Variants in GAP43 observed in about 807,000 individuals in gnomAD.
GAP43 encodes neuromodulin.
Under a neutral mutation model 18.6 loss-of-function variants are expected in GAP43, and 6 were observed. The ratio of observed to expected loss-of-function variants is 0.32; its 90% CI spans 0.18 to 0.64. The LOEUF is 0.64. Ranked by LOEUF, GAP43 falls within the 30% of genes least tolerant of loss-of-function variation. The pLI is 0.78. For synonymous variants in GAP43, 115 were observed against 111.4 expected, an observed-to-expected ratio of 1.03 and a Z score of -0.20; for missense variants, 292 against 295.5, an observed-to-expected ratio of 0.99 and a Z score of 0.09.
chr3:115,650,799 C>G (rs1576982384), intron 1 of GAP43, among the ~76,000 whole-genome samples: 1 of 152,192 alleles, frequency 6.6e-6, no homozygotes, highest in Middle Eastern at 3.4e-3. Flanking sequence ...CTTACTCCTT[C>G]TAAAAATTAA....
At chr3:115,689,816 C>A (rs1347319408) in intron 2 of GAP43, among the ~76,000 whole-genome samples, 1 of 151,852 alleles carries the variant, frequency 6.6e-6, no homozygotes, top group African/African-American at 2.4e-5. Context: ...AGAAGAGGAC[C>A]AGAAATCGAT....
intron 2 of GAP43, among the ~76,000 whole-genome samples, chr3:115,704,870 C>T (rs533536601): frequency 1.1e-4 from 17 of 152,218 alleles, no homozygotes; most frequent in Admixed American, 1.1e-3. Context: ...GAAATCAGAT[C>T]ATCTCTAAGG....
intron 2 of GAP43, among the ~76,000 whole-genome samples, chr3:115,707,129 G>A (rs920243972): frequency 2.6e-5 from 4 of 152,016 alleles, no homozygotes; most frequent in South Asian, 2.1e-4. Context: ...ACTTATAAGC[G>A]CTTACTTAAA....
chr3:115,683,147 G>GCGCGCGCGCGCACACACACACA (rs1252333447), intron 2 of GAP43, among the ~76,000 whole-genome samples: 1 of 127,396 alleles, frequency 7.8e-6, no homozygotes, highest in Non-Finnish European at 1.7e-5. Context: ...GCGCGCGCGC[G>GCGCGCGCGCGCACACACACACA]CACACACACA....
chr3:115,712,518 C>G (rs1425791035), intron 2 of GAP43, among the ~76,000 whole-genome samples: 1 of 152,152 alleles, frequency 6.6e-6, no homozygotes, highest in African/African-American at 2.4e-5. Context: ...TTCAGCAAAT[C>G]TCAAACCCCA....
At chr3:115,631,159 G>A (rs1423327610) in intron 1 of GAP43, among the ~76,000 whole-genome samples, 1 of 152,184 alleles carries the variant, frequency 6.6e-6, no homozygotes, top group African/African-American at 2.4e-5. Flanking sequence ...GCACGGGAAT[G>A]TGATCTTCCA....
At chr3:115,656,838 C>T (rs1247664322) in intron 1 of GAP43, among the ~76,000 whole-genome samples, 1 of 152,110 alleles carries the variant, frequency 6.6e-6, no homozygotes, top group Non-Finnish European at 1.5e-5. Context: ...CAAAATGTAA[C>T]TGAAATTCTA....
At chr3:115,638,076 C>A (rs546285261) in intron 1 of GAP43, among the ~76,000 whole-genome samples, 1 of 152,146 alleles carries the variant, frequency 6.6e-6, no homozygotes, top group East Asian at 1.9e-4. Flanking sequence ...TCTAACCCAG[C>A]CATTTTTCAT....
chr3:115,642,544 T>A (rs1269174655), intron 1 of GAP43, among the ~76,000 whole-genome samples: 1 of 152,050 alleles, frequency 6.6e-6, no homozygotes, highest in Non-Finnish European at 1.5e-5. Flanking sequence ...CAGGTAGTAT[T>A]TTCCTAATTG....
At position 115,646,004 on chromosome 3, in the gene GAP43, T is replaced by TA. The variant is rs1334301091; in HGVS notation, c.30+22291dup. Among the ~76,000 whole-genome samples, 5 of 152,238 alleles carry TA rather than the reference T, an allele frequency of 3.3e-5. No individual in the cohort carries two copies. In the East Asian group the frequency reaches 7.7e-4, roughly 24 times the overall value. ...TGGAACTTTGATTTAGTAATAATTT[T>TA]AAAAAATTAAGTGTTGGACTAAGTT... On this transcript the variant is annotated intron_variant, in intron 1 of 2. Coordinates refer to ENST00000305124, the MANE Select transcript of GAP43 (RefSeq NM_002045.4).
chr3:115,698,797 A>G (rs1709257483), intron 2 of GAP43, among the ~76,000 whole-genome samples: 1 of 152,192 alleles, frequency 6.6e-6, no homozygotes, highest in Non-Finnish European at 1.5e-5. Context: ...TCTGTTTATA[A>G]GTTAGATAAC....
intron 2 of GAP43, among the ~76,000 whole-genome samples, chr3:115,688,790 A>G (rs1402591257): frequency 1.3e-5 from 2 of 152,192 alleles, no homozygotes; most frequent in African/African-American, 4.8e-5. Context: ...CAAGTAGACT[A>G]CTTGAAAAAC....
In GAP43 at chr3:115,663,601, ATG is replaced by A. The variant is rs1478536519; in HGVS notation, c.31-12411_31-12410del. The A allele has an allele frequency of 4.6e-6, 6 of 1,305,140 alleles. No individual in the cohort carries two copies. The East Asian group carries it at 1.8e-4, about 39-fold the overall frequency. The allele number at this position is 1,305,140 out of a possible 1,614,324, so 80.8% of individuals were successfully genotyped here. Reference sequence around the variant, plus strand: ...CCCTGTCAAAATCTTCACAAGGAAAATGAGTCACAGCATCACCTGGGTGACGA... The same window carrying A: ...CCCTGTCAAAATCTTCACAAGGAAAAAGTCACAGCATCACCTGGGTGACGA... On this transcript the variant is annotated intron_variant, in intron 1 of 2. Coordinates refer to ENST00000305124, the MANE Select transcript of GAP43 (RefSeq NM_002045.4).
At chr3:115,661,848 C>CTTTTTTTTTTTTTTTTTTTTTT (rs1708664897) in intron 1 of GAP43, among the ~76,000 whole-genome samples, 1 of 16,368 alleles carries the variant, frequency 6.1e-5, no homozygotes, top group African/African-American at 2.3e-4. Flanking sequence ...TTTTTTTTAC[C>CTTTTTTTTTTTTTTTTTTTTTT]TGGGAGCTGT....
chr3:115,687,115 CTT>C (rs34355376), intron 2 of GAP43, among the ~76,000 whole-genome samples: 1 of 140,206 alleles, frequency 7.1e-6, no homozygotes, highest in Non-Finnish European at 1.5e-5. Flanking sequence ...AATCCCCCCT[CTT>C]TTTTTTTTTT....
chr3:115,678,021 AT>A (rs1325328029), intron 2 of GAP43, among the ~76,000 whole-genome samples: 9 of 152,104 alleles, frequency 5.9e-5, no homozygotes, highest in African/African-American at 2.2e-4. Context: ...GCTTCTTTTC[AT>A]TTTGAATCTT....
At chr3:115,695,048 A>G (rs553675983) in intron 2 of GAP43, among the ~76,000 whole-genome samples, 1 of 152,360 alleles carries the variant, frequency 6.6e-6, no homozygotes, top group Admixed American at 6.5e-5. Context: ...GCATGGAAAT[A>G]TCAGTGCCTT....
At chr3:115,668,845 C>T (rs1708768136) in intron 1 of GAP43, among the ~76,000 whole-genome samples, 1 of 151,936 alleles carries the variant, frequency 6.6e-6, no homozygotes, top group Admixed American at 6.6e-5. Context: ...TTGAGACCAG[C>T]CTGGGTAATA....
chr3:115,625,949 C>T (rs868530854), intron 1 of GAP43, among the ~76,000 whole-genome samples: 3 of 152,304 alleles, frequency 2.0e-5, no homozygotes, highest in African/African-American at 4.8e-5. Flanking sequence ...TTTGCTCATG[C>T]ATTTTATAAA....
Sources: allele counts gnomAD v4.1 joint callset (sites outside exome capture counted in the v4.1 genomes callset), GRCh38; gene constraint gnomAD v4.1.1; transcripts MANE v1.5; gene names NCBI Gene and HGNC (gene_info 2026-07-23, HGNC 2026-07-21).